The following KAT2B variants were observed in gnomAD, a reference collection of about 807,000 sequenced individuals.
The protein encoded by KAT2B is histone acetyltransferase KAT2B.
Under a neutral mutation model 105.9 loss-of-function variants are expected in KAT2B, and 36 were observed. The observed-to-expected ratio is 0.34, with a 90% CI of 0.26 to 0.45. The LOEUF (loss-of-function observed/expected upper bound fraction) is 0.45, where lower values mean the gene tolerates loss of function less well. Ranked by LOEUF, KAT2B falls within the 20% of genes least tolerant of loss-of-function variation. The pLI, the probability that KAT2B is intolerant of heterozygous loss-of-function variation, is 1.00. For synonymous variants in KAT2B, 397 were observed against 377.9 expected (o/e 1.05, Z -0.59); for missense variants, 820 against 1,021.6 (o/e 0.80, Z 2.69).
chr3:20,141,089 C>G (rs938864833), intron 13 of KAT2B, among the ~76,000 whole-genome samples: 1 of 152,136 alleles, frequency 6.6e-6, no homozygotes, highest in Non-Finnish European at 1.5e-5. Flanking sequence ...TAAATCAAAC[C>G]GTTTCAGGGT....
chr3:20,127,630 T>A, intron 11 of KAT2B, 81 bp downstream of exon 11: 2 of 1,343,460 alleles, frequency 1.5e-6, no homozygotes, highest in Non-Finnish European at 2.1e-6. Flanking sequence ...GGAAGATCTC[T>A]CTGTGCCATG....
At chr3:20,085,313 CAGATTGA>C (rs1698593251) in intron 2 of KAT2B, among the ~76,000 whole-genome samples, 1 of 152,160 alleles carries the variant, frequency 6.6e-6, no homozygotes, top group African/African-American at 2.4e-5. Context: ...CCAAAGGCTT[CAGATTGA>C]CCTCAAGGAA....
chr3:20,094,645 G>A (rs1354161700), intron 2 of KAT2B, among the ~76,000 whole-genome samples: 3 of 152,154 alleles, frequency 2.0e-5, no homozygotes, highest in Non-Finnish European at 4.4e-5. Context: ...GCAAAAGTGG[G>A]TTTGCAGCTG....
At chr3:20,125,124 C>T (rs1699376752) in intron 9 of KAT2B, among the ~76,000 whole-genome samples, 1 of 151,920 alleles carries the variant, frequency 6.6e-6, no homozygotes, top group African/African-American at 2.4e-5. Context: ...AGATCGAGAC[C>T]ATCTTGGCTA....
chr3:20,112,558 T>C (rs1405061268), intron 6 of KAT2B, among the ~76,000 whole-genome samples: 2 of 152,224 alleles, frequency 1.3e-5, no homozygotes, highest in Non-Finnish European at 2.9e-5. Context: ...GTGCAGTTGA[T>C]GACTTCTCAT....
chr3:20,046,630 G>T (rs1265379578), intron 1 of KAT2B, among the ~76,000 whole-genome samples: 1 of 152,116 alleles, frequency 6.6e-6, no homozygotes, highest in Non-Finnish European at 1.5e-5. Context: ...GAGAGCAGAG[G>T]TAGATGTGCC....
chr3:20,080,093 C>T (rs1698493551), intron 2 of KAT2B, among the ~76,000 whole-genome samples: 1 of 152,136 alleles, frequency 6.6e-6, no homozygotes, highest in African/African-American at 2.4e-5. Flanking sequence ...ATTTCCATTC[C>T]TGCATACCTG....
chr3:20,126,125 T>C lies in KAT2B; in HGVS notation c.1622+12T>C. On this transcript the variant is annotated intron_variant, in intron 10 of 17. Coordinates refer to ENST00000263754, the MANE Select transcript of KAT2B (RefSeq NM_003884.5). Reference sequence around the variant, plus strand: ...CTCGTCTTTGACCCGTAAGTGGTACTTTCTGTTCCTTCTTCCTTATTTCCT... The same window carrying C: ...CTCGTCTTTGACCCGTAAGTGGTACCTTCTGTTCCTTCTTCCTTATTTCCT... The C allele has an allele frequency of 4.5e-6, 7 of 1,566,062 alleles. No homozygotes were observed. Among genetic ancestry groups the C allele is most frequent in the Non-Finnish European group, 6.1e-6 (7 of 1,151,750 alleles).
At chr3:20,066,611 C>G (rs1698226800) in intron 1 of KAT2B, among the ~76,000 whole-genome samples, 1 of 151,876 alleles carries the variant, frequency 6.6e-6, no homozygotes, top group Non-Finnish European at 1.5e-5. Context: ...GTTGGCCAGG[C>G]TGGTCTCGAA....
intron 1 of KAT2B, among the ~76,000 whole-genome samples, chr3:20,071,839 G>C (rs1200683842): frequency 6.6e-6 from 1 of 152,184 alleles, no homozygotes; most frequent in Non-Finnish European, 1.5e-5. Flanking sequence ...AGCTGGGTGT[G>C]CCCCGTCTCA....
intron 1 of KAT2B, among the ~76,000 whole-genome samples, chr3:20,054,031 C>T (rs1265713344): frequency 6.6e-6 from 1 of 152,212 alleles, no homozygotes; most frequent in East Asian, 1.9e-4. Flanking sequence ...CTCCTGACCT[C>T]AAGTGATCCA....
chr3:20,095,297 G>A lies in KAT2B; in HGVS notation c.465G>A (p.Glu155=), dbSNP rs1397351512. The A allele has an allele frequency of 5.6e-6, 9 of 1,611,942 alleles. No individual in the cohort carries two copies. Among genetic ancestry groups the A allele is most frequent in the Non-Finnish European group, 7.6e-6 (9 of 1,178,152 alleles). Residue 155 remains glutamate (E), a synonymous_variant, in exon 3 of 18, where the codon GAG becomes GAA. Coordinates refer to ENST00000263754, the MANE Select transcript of KAT2B (RefSeq NM_003884.5). ...AHVSHLENVS[E]EEMNRLLGIV... is the part of the protein sequence containing the mutation. ...TTTCCCACCTGGAGAATGTGTCAGA[G>A]GAAGAAATGAACAGACTCCTGGGAA...
chr3:20,134,759 TG>T (rs1207629667), intron 11 of KAT2B, among the ~76,000 whole-genome samples: 2 of 152,128 alleles, frequency 1.3e-5, no homozygotes, highest in Non-Finnish European at 2.9e-5. Context: ...TCTGTACAAA[TG>T]CTGCATAACA....
rs1699904090 is a variant in KAT2B, at chr3:20,153,646, C to T, written c.*1121C>T. On this transcript the variant is annotated 3_prime_UTR_variant, in exon 18 of 18. Coordinates refer to ENST00000263754, the MANE Select transcript of KAT2B (RefSeq NM_003884.5). Reference sequence around the variant, plus strand: ...TCTGTCTTGGGATTCCAGTTTAGTGCTTGGATTTATTTCCTGATTACACTA... The same window carrying T: ...TCTGTCTTGGGATTCCAGTTTAGTGTTTGGATTTATTTCCTGATTACACTA... 1 of 152,502 alleles carries T rather than the reference C, an allele frequency of 6.6e-6. No individual in the cohort carries two copies. The highest frequency in any genetic ancestry group is 6.6e-5 in the Admixed American group (1 of 15,252). The allele number at this position is 152,502 out of a possible 1,614,324, so 9.4% of individuals were successfully genotyped here.
At chr3:20,109,275 C>T (rs1699077245) in intron 5 of KAT2B, among the ~76,000 whole-genome samples, 1 of 149,190 alleles carries the variant, frequency 6.7e-6, no homozygotes, top group African/African-American at 2.5e-5. Context: ...CTGACTTCCC[C>T]TCAGCCCCAG....
intron 2 of KAT2B, among the ~76,000 whole-genome samples, chr3:20,075,511 A>G (rs1168473227): frequency 1.3e-5 from 2 of 152,124 alleles, no homozygotes; most frequent in Admixed American, 6.5e-5. Flanking sequence ...TCAGATGCCA[A>G]TTGCAAGTCC....
At chr3:20,061,093 T>C (rs565886602) in intron 1 of KAT2B, among the ~76,000 whole-genome samples, 2 of 152,302 alleles carry the variant, frequency 1.3e-5, no homozygotes, top group South Asian at 4.1e-4. Context: ...ACAGAACACT[T>C]TTCAGCTTGC....
At position 20,040,685 on chromosome 3, in the gene KAT2B, G is replaced by T. The variant is rs867340948; in HGVS notation, c.208G>T (p.Gly70Cys). The T allele has an allele frequency of 6.4e-7, 1 of 1,568,814 alleles. No individual in the cohort carries two copies. Among genetic ancestry groups the T allele is most frequent in the South Asian group, 1.1e-5 (1 of 88,286 alleles). ...AAGTAEGPGG[G>C]GSARIAVKKA... ...GGGCACGGCCGAAGGACCGGGAGGCGGTGGCTCGGCCCGAATCGCCGTGAA... is the reference window on the plus strand; with the variant it reads ...GGGCACGGCCGAAGGACCGGGAGGCTGTGGCTCGGCCCGAATCGCCGTGAA... The change falls in exon 1 of 18, where the codon GGT (glycine) becomes TGT (cysteine). Residue 70 changes from glycine to cysteine, a missense_variant. Gly to Cys is a radical substitution (Grantham distance 159). This residue lies in a region of KAT2B where 190 missense variants were observed against 176.7 expected (regional missense o/e 1.08). Transcript: ENST00000263754.
At chr3:20,098,234 TA>T (rs11403508) in intron 3 of KAT2B, among the ~76,000 whole-genome samples, 186 of 143,096 alleles carry the variant, frequency 1.3e-3, no homozygotes, top group Middle Eastern at 3.6e-3. Context: ...CGTCCCAAAT[TA>T]AAAAAAAAAA....
Sources: allele counts gnomAD v4.1 joint callset (sites outside exome capture counted in the v4.1 genomes callset), GRCh38; gene constraint gnomAD v4.1.1; regional missense constraint gnomAD v4.1.1; transcripts MANE v1.5; gene names NCBI Gene and HGNC (gene_info 2026-07-23, HGNC 2026-07-21).